CASP6: variants seen among roughly 807,000 people sequenced by gnomAD.
CASP6 encodes the protein caspase 6, also known as caspase-6.
CASP6 carries 20 observed loss-of-function variants against 31.8 expected under a neutral mutation model. The observed-to-expected ratio is 0.63, with a 90% CI of 0.44 to 0.91. The LOEUF is 0.91. Among genes scored for constraint, CASP6 ranks in the 40% least tolerant of loss-of-function variants. The probability of loss-of-function intolerance (pLI) is 0.00; values close to 1 mark genes in which losing one functional copy is unlikely to be tolerated. For synonymous variants in CASP6, 130 were observed against 127.8 expected, an observed-to-expected ratio of 1.02 and a Z score of -0.12; for missense variants, 328 against 361.1, an observed-to-expected ratio of 0.91 and a Z score of 0.74.
chr4:109,669,379 T>G, the CASP6 span, among the ~76,000 whole-genome samples: 3 of 152,162 alleles, frequency 2.0e-5, no homozygotes, highest in Non-Finnish European at 4.4e-5. Context: ...GAAGTCAGGT[T>G]TAATTTCTTT....
downstream of CASP6, chr4:109,684,342 G>C: frequency 1.1e-6 from 1 of 888,634 alleles, no homozygotes; most frequent in Non-Finnish European, 1.7e-6. Flanking sequence ...GATTACAGGC[G>C]TGAGCCACCG....
At chr4:109,670,238 G>A in the CASP6 span, among the ~76,000 whole-genome samples, 1 of 151,892 alleles carries the variant, frequency 6.6e-6, no homozygotes, top group African/African-American at 2.4e-5. Context: ...CTGTACCCCT[G>A]GACTTAGAAC....
chr4:109,684,572 A>G (rs749852462), downstream of CASP6: 3 of 1,605,062 alleles, frequency 1.9e-6, no homozygotes, highest in East Asian at 4.5e-5. Flanking sequence ...CTGGGATATC[A>G]TGGAGCCAGT....
intron 1 of CASP6, 148 bp from the exon 2 acceptor site, chr4:109,698,490 A>G: frequency 1.7e-6 from 1 of 597,260 alleles, no homozygotes; most frequent in South Asian, 2.5e-5. Flanking sequence ...AGAAAAGGAA[A>G]TGAAGGGAAA....
intron 4 of CASP6, 57 bp from the exon 5 acceptor site, chr4:109,694,757 C>T (rs3181345): frequency 0.088 from 122,587 of 1,396,208 alleles, 6,225 homozygotes; most frequent in Middle Eastern, 0.13. Context: ...GTTATCTACA[C>T]ATAAAAATTC....
the CASP6 span, among the ~76,000 whole-genome samples, chr4:109,670,896 C>A: frequency 6.6e-6 from 1 of 152,004 alleles, no homozygotes; most frequent in Non-Finnish European, 1.5e-5. Context: ...CTATGGGACT[C>A]CCTGGAATGC....
the CASP6 span, among the ~76,000 whole-genome samples, chr4:109,668,305 G>A: frequency 6.6e-6 from 1 of 151,940 alleles, no homozygotes; most frequent in Non-Finnish European, 1.5e-5. Flanking sequence ...TTTGCCTCAT[G>A]TAGTTTGATG....
At chr4:109,690,226 AGT>A (rs1729997701) in intron 6 of CASP6, among the ~76,000 whole-genome samples, 1 of 120,456 alleles carries the variant, frequency 8.3e-6, no homozygotes, top group African/African-American at 3.5e-5. Flanking sequence ...TGGGCAACAG[AGT>A]GAGACTATAA....
the CASP6 span, among the ~76,000 whole-genome samples, chr4:109,681,137 G>A: frequency 1.3e-5 from 2 of 152,322 alleles, no homozygotes; most frequent in African/African-American, 4.8e-5. Context: ...GTTTATTAAT[G>A]TGTATATTCC....
chr4:109,666,555 G>A, the CASP6 span, among the ~76,000 whole-genome samples: 5 of 151,414 alleles, frequency 3.3e-5, no homozygotes, highest in Non-Finnish European at 5.9e-5. Flanking sequence ...ATGATGATGA[G>A]CATCTCTTCA....
the CASP6 span, chr4:109,673,940 G>A: frequency 1.3e-6 from 1 of 793,110 alleles, no homozygotes; most frequent in Non-Finnish European, 2.3e-6. Context: ...GTACCCATTG[G>A]AATAGCAGGT....
chr4:109,680,614 A>G, the CASP6 span, among the ~76,000 whole-genome samples: 1 of 152,210 alleles, frequency 6.6e-6, no homozygotes, highest in East Asian at 1.9e-4. Flanking sequence ...AAAGCCTAAA[A>G]GAGAACACCT....
chr4:109,675,792 T>G, the CASP6 span, among the ~76,000 whole-genome samples: 2 of 152,194 alleles, frequency 1.3e-5, no homozygotes, highest in African/African-American at 4.8e-5. Context: ...AAAGGATGAG[T>G]TTGGCCCCTT....
chr4:109,685,227 C>A, downstream of CASP6: 1 of 909,154 alleles, frequency 1.1e-6, no homozygotes, highest in Non-Finnish European at 1.7e-6. Flanking sequence ...ATGTTGTTTT[C>A]TTCTCTCTCT....
At chr4:109,707,733 C>A (rs1199090835), upstream of CASP6, among the ~76,000 whole-genome samples, 2 of 152,154 alleles carry the variant, frequency 1.3e-5, no homozygotes, top group East Asian at 3.9e-4. Flanking sequence ...AATTCAGGGA[C>A]AGAACCATGC....
At chr4:109,666,231 T>G in the CASP6 span, among the ~76,000 whole-genome samples, 1 of 152,252 alleles carries the variant, frequency 6.6e-6, no homozygotes. Flanking sequence ...TTCCAAGTTT[T>G]GGCAATTATG....
the CASP6 span, chr4:109,682,649 A>C: frequency 3.1e-6 from 5 of 1,613,144 alleles, no homozygotes. Flanking sequence ...GACTATTTAC[A>C]ATCTTGCATT....
At chr4:109,694,278 GTAGCAC>G (rs774421908) in intron 5 of CASP6, among the ~76,000 whole-genome samples, 97 of 152,290 alleles carry the variant, frequency 6.4e-4, no homozygotes, top group Middle Eastern at 3.4e-3. Flanking sequence ...CGGACAGGGA[GTAGCAC>G]ATTGGTTACT....
At chr4:109,694,737 T>C in intron 4 of CASP6, 37 bp from the exon 5 acceptor site, 3 of 1,450,222 alleles carry the variant, frequency 2.1e-6, no homozygotes, top group East Asian at 5.1e-5. Flanking sequence ...GAAATGAAAA[T>C]ATGATGCTTG....
Sources: gnomAD v4.1 joint callset for allele counts (sites outside exome capture counted in the v4.1 genomes callset) on GRCh38, gnomAD v4.1.1 for gene constraint, MANE v1.5 for transcripts, NCBI Gene and HGNC (gene_info 2026-07-23, HGNC 2026-07-21) for gene names.